GALNTL6: variants seen among roughly 807,000 people sequenced by gnomAD.
GALNTL6 encodes the protein polypeptide N-acetylgalactosaminyltransferase-like 6.
GALNTL6 carries 46 observed loss-of-function variants against 73.7 expected under a neutral mutation model. That is an observed-to-expected ratio of 0.62 (90% confidence interval 0.49 to 0.80). The LOEUF (loss-of-function observed/expected upper bound fraction) is 0.80, where lower values mean the gene tolerates loss of function less well. Ranked by LOEUF, GALNTL6 falls within the 30% of genes least tolerant of loss-of-function variation. The probability of loss-of-function intolerance (pLI) is 0.00; values close to 1 mark genes in which losing one functional copy is unlikely to be tolerated. For missense variants in GALNTL6, 604 were observed against 755.0 expected, an observed-to-expected ratio of 0.80 and a Z score of 2.34; for synonymous variants, 259 against 263.7, an observed-to-expected ratio of 0.98 and a Z score of 0.17.
chr4:172,229,792 C>A, intron 3 of GALNTL6, 28 bp downstream of exon 3: 2 of 1,339,474 alleles, frequency 1.5e-6, no homozygotes, highest in Non-Finnish European at 1.1e-6. Flanking sequence ...CGCCAAAGTG[C>A]TATTTCACTC....
intron 2 of GALNTL6, among the ~76,000 whole-genome samples, chr4:172,015,923 A>ATTTTTTTTT (rs70941375): frequency 4.3e-4 from 19 of 44,090 alleles, no homozygotes; most frequent in South Asian, 1.4e-3. Context: ...ATCTAATAGG[A>ATTTTTTTTT]TTTTTTTTTT....
At chr4:172,663,441 C>G (rs1408112918) in intron 5 of GALNTL6, among the ~76,000 whole-genome samples, 3 of 152,188 alleles carry the variant, frequency 2.0e-5, no homozygotes, top group African/African-American at 7.2e-5. Flanking sequence ...ACTTGATTTC[C>G]TCTCCTTTCC....
At chr4:172,254,018 A>G (rs1737985833) in intron 3 of GALNTL6, among the ~76,000 whole-genome samples, 1 of 151,808 alleles carries the variant, frequency 6.6e-6, no homozygotes. Context: ...AAAATTTTAA[A>G]TGGTCTGTCA....
intron 2 of GALNTL6, among the ~76,000 whole-genome samples, chr4:171,999,386 T>G (rs1050727402): frequency 1.3e-5 from 2 of 152,168 alleles, no homozygotes; most frequent in African/African-American, 4.8e-5. Flanking sequence ...TTTCTGTAAA[T>G]GTGTGCTATT....
At chr4:171,838,726 T>C (rs1259161635) in intron 2 of GALNTL6, among the ~76,000 whole-genome samples, 2 of 152,176 alleles carry the variant, frequency 1.3e-5, no homozygotes, top group Non-Finnish European at 2.9e-5. Context: ...GGTCCAGGTT[T>C]GAAGCTTGGC....
chr4:172,590,162 A>T (rs974077697), intron 5 of GALNTL6, among the ~76,000 whole-genome samples: 1 of 152,142 alleles, frequency 6.6e-6, no homozygotes, highest in African/African-American at 2.4e-5. Context: ...CAGTTGCTTT[A>T]TGGGGAAAAT....
intron 5 of GALNTL6, among the ~76,000 whole-genome samples, chr4:172,451,297 A>G (rs1197715395): frequency 6.6e-6 from 1 of 152,194 alleles, no homozygotes; most frequent in Admixed American, 6.5e-5. Flanking sequence ...TGTATTTTGA[A>G]CGTTACCAGG....
chr4:172,938,686 C>A (rs75199418), intron 9 of GALNTL6, among the ~76,000 whole-genome samples: 1 of 152,166 alleles, frequency 6.6e-6, no homozygotes, highest in Non-Finnish European at 1.5e-5. Context: ...ACAACAGCAG[C>A]ACCACTTCTC....
chr4:172,297,063 T>C (rs1484545044), intron 3 of GALNTL6, among the ~76,000 whole-genome samples: 1 of 152,196 alleles, frequency 6.6e-6, no homozygotes, highest in Non-Finnish European at 1.5e-5. Flanking sequence ...TTCTGACTGG[T>C]GTGAGATGGT....
intron 5 of GALNTL6, among the ~76,000 whole-genome samples, chr4:172,592,262 C>T (rs1387539564): frequency 2.0e-5 from 3 of 152,128 alleles, no homozygotes; most frequent in East Asian, 1.9e-4. Context: ...TATAACAACT[C>T]GCTTTCAAGG....
intron 7 of GALNTL6, among the ~76,000 whole-genome samples, chr4:172,871,591 G>GC (rs1213081833): frequency 8.7e-6 from 1 of 114,472 alleles, no homozygotes; most frequent in African/African-American, 2.8e-5. Context: ...CTGACTCTGG[G>GC]GGGGGTGTGT....
At chr4:172,786,455 A>G (rs143639724) in intron 5 of GALNTL6, among the ~76,000 whole-genome samples, 65 of 152,216 alleles carry the variant, frequency 4.3e-4, no homozygotes, top group African/African-American at 1.5e-3. Flanking sequence ...AAGGGAAAGG[A>G]TTTTCTGGCA....
At chr4:172,053,605 C>G (rs974269149) in intron 2 of GALNTL6, among the ~76,000 whole-genome samples, 3 of 152,104 alleles carry the variant, frequency 2.0e-5, no homozygotes, top group Non-Finnish European at 2.9e-5. Flanking sequence ...CCACTACAAG[C>G]GAACTTAGTG....
chr4:171,821,402 T>C (rs1035702649), intron 2 of GALNTL6, among the ~76,000 whole-genome samples: 49 of 152,120 alleles, frequency 3.2e-4, no homozygotes, highest in African/African-American at 1.2e-3. Context: ...TAAGGAGAAA[T>C]ATCAGAATTT....
chr4:172,644,616 G>C (rs1256350903), intron 5 of GALNTL6, among the ~76,000 whole-genome samples: 1 of 151,786 alleles, frequency 6.6e-6, no homozygotes, highest in African/African-American at 2.4e-5. Context: ...ATACCACAAT[G>C]TACTTGTCCA....
intron 2 of GALNTL6, among the ~76,000 whole-genome samples, chr4:172,024,136 T>C (rs1308121900): frequency 1.3e-5 from 2 of 151,882 alleles, no homozygotes; most frequent in Non-Finnish European, 2.9e-5. Context: ...TCTTCTTTAT[T>C]CCATTAGATA....
intron 5 of GALNTL6, among the ~76,000 whole-genome samples, chr4:172,678,214 C>T (rs1732418851): frequency 6.6e-6 from 1 of 152,208 alleles, no homozygotes; most frequent in African/African-American, 2.4e-5. Flanking sequence ...GTAGTCCACC[C>T]TCTAGGGTTA....
At chr4:172,351,249 A>G (rs1338232323) in intron 5 of GALNTL6, among the ~76,000 whole-genome samples, 3 of 151,696 alleles carry the variant, frequency 2.0e-5, no homozygotes. Context: ...TGATTTATTT[A>G]TCTCCAGAAT....
chr4:172,401,404 C>T (rs767460603), intron 5 of GALNTL6, among the ~76,000 whole-genome samples: 3 of 152,074 alleles, frequency 2.0e-5, no homozygotes, highest in Admixed American at 1.3e-4. Context: ...ATACTCTACA[C>T]GACATCTAAA....
Sources: gnomAD v4.1 joint callset for allele counts (sites outside exome capture counted in the v4.1 genomes callset) on GRCh38, gnomAD v4.1.1 for gene constraint, MANE v1.5 for transcripts, NCBI Gene and HGNC (gene_info 2026-07-23, HGNC 2026-07-21) for gene names.